CENPQ: variants seen among roughly 807,000 people sequenced by gnomAD.
CENPQ encodes centromere protein Q.
Under a neutral mutation model 36.6 loss-of-function variants are expected in CENPQ, and 27 were observed. That is an observed-to-expected ratio of 0.74 (90% CI 0.54 to 1.02). CENPQ has a LOEUF of 1.02. CENPQ is among the 50% of genes least tolerant of loss of function. CENPQ has a pLI of 0.00. For missense variants in CENPQ, 306 were observed against 301.8 expected (o/e 1.01, Z -0.10); for synonymous variants, 101 against 101.7 (o/e 0.99, Z 0.04).
chr6:49,471,951 ATAT>A (rs1768146121), intron 3 of CENPQ, 109 bp from the exon 4 acceptor site: 1 of 1,203,310 alleles, frequency 8.3e-7, no homozygotes, highest in Non-Finnish European at 1.1e-6. Context: ...CAGCTTTATA[ATAT>A]TTTGTTCTGA....
At position 49,472,865 on chromosome 6, in the gene CENPQ, C is replaced by A. The variant is rs1768177174; in HGVS notation, c.347+7C>A. ...TCAACTTCCTGAAGAAAAGGTAATACTATTGCATAATTAAAATGATTAAAA... is the reference window on the plus strand; with the variant it reads ...TCAACTTCCTGAAGAAAAGGTAATAATATTGCATAATTAAAATGATTAAAA... On this transcript the variant is annotated splice_region_variant and intron_variant, in intron 5 of 8. Transcript: ENST00000335783. 2.9e-6 allele frequency: 4 copies of A among 1,393,292 alleles called. No homozygotes were observed. Among genetic ancestry groups the A allele is most frequent in the Non-Finnish European group, 3.9e-6 (4 of 1,035,066 alleles). 86.3% of individuals were successfully genotyped at this position (1,393,292 alleles called of 1,614,324 possible).
intron 2 of CENPQ, 24 bp downstream of exon 2, chr6:49,470,302 AT>A: frequency 6.8e-7 from 1 of 1,465,646 alleles, no homozygotes; most frequent in Non-Finnish European, 9.5e-7. Context: ...CAAGTTTCTC[AT>A]TTAGAAATCT....
intron 5 of CENPQ, among the ~76,000 whole-genome samples, chr6:49,473,916 CAAAG>C (rs1446393828): frequency 2.0e-5 from 3 of 152,136 alleles, no homozygotes; most frequent in Admixed American, 6.5e-5. Flanking sequence ...TCAAAAGAGA[CAAAG>C]AAGACCGTTA....
intron 6 of CENPQ, among the ~76,000 whole-genome samples, chr6:49,481,963 G>GC (rs1768442422): frequency 6.6e-6 from 1 of 152,202 alleles, no homozygotes; most frequent in Admixed American, 6.5e-5. Context: ...CCTGAGCCCT[G>GC]CCCCACAGGG....
At chr6:49,483,487 G>A (rs1768502039) in intron 6 of CENPQ, among the ~76,000 whole-genome samples, 1 of 152,154 alleles carries the variant, frequency 6.6e-6, no homozygotes, top group African/African-American at 2.4e-5. Flanking sequence ...GCTCATGGGG[G>A]AGGCTCCTGC....
Position 49,481,024 on chromosome 6 carries a change from C to G in CENPQ, c.421C>G (p.Leu141Val), listed in dbSNP as rs749215358. ...AGATTTAACTAATGTATCAAGTCTA[C>G]TGAATATGGAAAGGGCACGAGACAA... The part of the protein sequence containing the change: ...MEDLTNVSSL[L>V]NMERARDKAN... The change falls in exon 6 of 9, where the codon CTG (leucine) becomes GTG (valine). Residue 141 changes from leucine to valine, a missense_variant. Coordinates refer to ENST00000335783, the MANE Select transcript of CENPQ (RefSeq NM_018132.4). 31 of 1,611,204 alleles carry G rather than the reference C, an allele frequency of 1.9e-5. No homozygotes were observed. Among genetic ancestry groups the G allele is most frequent in the Non-Finnish European group, 2.5e-5 (30 of 1,178,660 alleles).
Position 49,464,573 on chromosome 6 carries a change from A to T in CENPQ, c.-19+1120A>T, listed in dbSNP as rs558569683. Among the ~76,000 whole-genome samples, 9 of 152,352 alleles carry T rather than the reference A, an allele frequency of 5.9e-5. No homozygotes were observed. The East Asian group carries it at 1.7e-3, about 29-fold the overall frequency. The stretch of plus-strand genomic sequence containing the variant: ...AGAACTTCTTTCAAAATTAGAGTAA[A>T]TCCTCTTAACCCCTACCATTGCTTT... On this transcript the variant is annotated intron_variant, in intron 1 of 8. Transcript: ENST00000335783.
At chr6:49,492,001 G>C in intron 8 of CENPQ, 143 bp from the exon 9 acceptor site, 2 of 637,866 alleles carry the variant, frequency 3.1e-6, no homozygotes, top group African/African-American at 1.9e-5. Flanking sequence ...AGATAGATTT[G>C]AAAGAAGAAT....
At chr6:49,468,937 A>G (rs1243044933) in intron 1 of CENPQ, among the ~76,000 whole-genome samples, 1 of 152,200 alleles carries the variant, frequency 6.6e-6, no homozygotes, top group Non-Finnish European at 1.5e-5. Context: ...TAGGGGAAGT[A>G]TAAGGGTGTA....
At chr6:49,482,569 A>G (rs1768463158) in intron 6 of CENPQ, among the ~76,000 whole-genome samples, 1 of 152,118 alleles carries the variant, frequency 6.6e-6, no homozygotes, top group African/African-American at 2.4e-5. Context: ...AGAAGTTGTT[A>G]GTTGAACTCC....
chr6:49,470,343 C>T (rs1768099869), intron 2 of CENPQ, 65 bp downstream of exon 2: 3 of 991,548 alleles, frequency 3.0e-6, no homozygotes, highest in Non-Finnish European at 3.0e-6. Context: ...ATGGCTCATG[C>T]CTGTAATCCC....
chr6:49,464,928 A>T (rs1041519878), intron 1 of CENPQ, among the ~76,000 whole-genome samples: 2 of 152,220 alleles, frequency 1.3e-5, no homozygotes, highest in Non-Finnish European at 2.9e-5. Context: ...CCCGTGAATC[A>T]TGAATGTTCT....
At chr6:49,467,798 G>T (rs1039735943) in intron 1 of CENPQ, among the ~76,000 whole-genome samples, 2 of 152,150 alleles carry the variant, frequency 1.3e-5, no homozygotes, top group Admixed American at 1.3e-4. Flanking sequence ...GAGAAATGAA[G>T]TAGAATAGTT....
At chr6:49,472,749 G>A (rs763456200) in intron 4 of CENPQ, 41 bp from the exon 5 acceptor site, 6 of 1,375,476 alleles carry the variant, frequency 4.4e-6, no homozygotes, top group Admixed American at 2.9e-5. Flanking sequence ...TATGATTTGT[G>A]CATCAGACTA....
intron 5 of CENPQ, among the ~76,000 whole-genome samples, chr6:49,478,240 C>T (rs1356685630): frequency 6.6e-6 from 1 of 152,174 alleles, no homozygotes; most frequent in Non-Finnish European, 1.5e-5. Context: ...ATTTGAAACA[C>T]TTGTTCTTAC....
At chr6:49,469,938 G>A (rs562988700) in intron 1 of CENPQ, among the ~76,000 whole-genome samples, 10 of 143,974 alleles carry the variant, frequency 6.9e-5, no homozygotes, top group African/African-American at 2.5e-4. Context: ...AATTGAATTA[G>A]ATATCCTTAT....
intron 1 of CENPQ, among the ~76,000 whole-genome samples, chr6:49,465,640 G>A (rs1767983339): frequency 6.6e-6 from 1 of 152,220 alleles, no homozygotes. Flanking sequence ...TATGCAGATA[G>A]CTTACTTCCT....
chr6:49,471,069 C>G, intron 3 of CENPQ, 41 bp downstream of exon 3: 1 of 1,182,022 alleles, frequency 8.5e-7, no homozygotes, highest in Non-Finnish European at 1.2e-6. Context: ...GCTTCTATAT[C>G]AAGCTATATC....
intron 6 of CENPQ, among the ~76,000 whole-genome samples, chr6:49,482,667 C>T (rs529312858): frequency 6.6e-5 from 10 of 152,148 alleles, no homozygotes; most frequent in East Asian, 5.8e-4. Context: ...CGGCGATTGG[C>T]GATGGTCTCA....
Sources: gnomAD v4.1 joint callset for allele counts (sites outside exome capture counted in the v4.1 genomes callset) on GRCh38, gnomAD v4.1.1 for gene constraint, MANE v1.5 for transcripts, NCBI Gene and HGNC (gene_info 2026-07-23, HGNC 2026-07-21) for gene names.